The following ARHGAP42 variants were observed in gnomAD, a reference collection of about 807,000 sequenced individuals.
ARHGAP42 encodes rho GTPase-activating protein 42.
ARHGAP42 carries 63 observed loss-of-function variants against 125.0 expected under a neutral mutation model. The ratio of observed to expected loss-of-function variants is 0.50; its 90% CI spans 0.41 to 0.62. ARHGAP42 has a LOEUF of 0.62. ARHGAP42 is among the 20% of genes least tolerant of loss of function. The pLI, the probability that ARHGAP42 is intolerant of heterozygous loss-of-function variation, is 0.00. For synonymous variants in ARHGAP42, 339 were observed against 351.0 expected (o/e 0.97, Z 0.38); for missense variants, 766 against 1,024.2 (o/e 0.75, Z 3.44).
intron 9 of ARHGAP42, among the ~76,000 whole-genome samples, chr11:100,943,478 A>T (rs556049596): frequency 1.3e-5 from 2 of 152,126 alleles, no homozygotes; most frequent in Non-Finnish European, 2.9e-5. Flanking sequence ...ATTGTACATT[A>T]TAGTATAATT....
intron 1 of ARHGAP42, among the ~76,000 whole-genome samples, chr11:100,730,997 C>G (rs1861947803): frequency 6.6e-6 from 1 of 150,770 alleles, no homozygotes; most frequent in South Asian, 2.1e-4. Flanking sequence ...AAAGGTTTTG[C>G]TTTTTTTTTC....
At chr11:100,935,861 G>C (rs1228907806) in intron 7 of ARHGAP42, among the ~76,000 whole-genome samples, 1 of 152,132 alleles carries the variant, frequency 6.6e-6, no homozygotes, top group African/African-American at 2.4e-5. Flanking sequence ...TTTCTGGGCC[G>C]GTCAGGTGGC....
At chr11:100,943,918 T>C in intron 10 of ARHGAP42, 50 bp downstream of exon 10, 1 of 1,191,670 alleles carries the variant, frequency 8.4e-7, no homozygotes, top group South Asian at 1.5e-5. Flanking sequence ...AAACGGTGTC[T>C]CTTTCTGTAT....
chr11:100,711,882 T>TA (rs1196874250), intron 1 of ARHGAP42, among the ~76,000 whole-genome samples: 2 of 152,202 alleles, frequency 1.3e-5, no homozygotes, highest in Non-Finnish European at 2.9e-5. Context: ...GAGAGTAAGG[T>TA]AAATTGTTTA....
chr11:100,716,428 G>T (rs985379375), intron 1 of ARHGAP42, among the ~76,000 whole-genome samples: 1 of 152,184 alleles, frequency 6.6e-6, no homozygotes. Flanking sequence ...AACAAATGCT[G>T]TTGGTAATTA....
chr11:100,939,578 TTAG>T (rs1867822436), intron 8 of ARHGAP42, among the ~76,000 whole-genome samples: 1 of 152,188 alleles, frequency 6.6e-6, no homozygotes, highest in South Asian at 2.1e-4. Context: ...ATATGGGCAC[TTAG>T]TAGGTATTCG....
Position 100,775,870 on chromosome 11 carries a change from G to T in ARHGAP42, c.250+5432G>T, listed in dbSNP as rs1414332889. ...GACCTCTAGGTTTTAAAAAAATTTA[G>T]ATATTGTGGCCGGGTACGGTGGCTC... On this transcript the variant is annotated intron_variant, in intron 2 of 23. Transcript: ENST00000298815. Among the ~76,000 whole-genome samples the T allele has an allele frequency of 1.3e-4, 20 of 152,110 alleles. 1 individual carries two copies. Among genetic ancestry groups the T allele is most frequent in the Admixed American group, 1.3e-3 (20 of 15,278 alleles).
At chr11:100,903,425 G>A (rs1866617863) in intron 4 of ARHGAP42, among the ~76,000 whole-genome samples, 1 of 151,800 alleles carries the variant, frequency 6.6e-6, no homozygotes. Flanking sequence ...AAATCCAAAT[G>A]CTTGGCATGG....
intron 7 of ARHGAP42, among the ~76,000 whole-genome samples, chr11:100,933,729 A>G (rs1867648456): frequency 6.6e-6 from 1 of 152,242 alleles, no homozygotes. Flanking sequence ...TTTATTTGTC[A>G]ATTATACCTC....
At chr11:100,826,536 A>G (rs1279327969) in intron 3 of ARHGAP42, among the ~76,000 whole-genome samples, 2 of 152,146 alleles carry the variant, frequency 1.3e-5, no homozygotes, top group Admixed American at 1.3e-4. Context: ...CATAATTTAG[A>G]ATTTATTATC....
At chr11:100,775,865 A>C (rs1863105869) in intron 2 of ARHGAP42, among the ~76,000 whole-genome samples, 1 of 152,224 alleles carries the variant, frequency 6.6e-6, no homozygotes, top group African/African-American at 2.4e-5. Context: ...TTTTAAAAAA[A>C]TTTAGATATT....
chr11:100,845,373 G>A (rs531797238), intron 3 of ARHGAP42, among the ~76,000 whole-genome samples: 1 of 151,964 alleles, frequency 6.6e-6, no homozygotes, highest in South Asian at 2.1e-4. Flanking sequence ...GGGGGTGAGG[G>A]GTAAAAGACT....
At chr11:100,894,260 C>T (rs1296254737) in intron 4 of ARHGAP42, among the ~76,000 whole-genome samples, 1 of 152,192 alleles carries the variant, frequency 6.6e-6, no homozygotes, top group Non-Finnish European at 1.5e-5. Flanking sequence ...TAGTTGTAAA[C>T]ATAGTCTAGA....
intron 2 of ARHGAP42, among the ~76,000 whole-genome samples, chr11:100,772,787 A>G (rs1863013717): frequency 6.6e-6 from 1 of 152,226 alleles, no homozygotes. Flanking sequence ...TATTAGCATT[A>G]TTACTTAGAA....
intron 3 of ARHGAP42, among the ~76,000 whole-genome samples, chr11:100,848,794 A>G (rs771177177): frequency 4.6e-5 from 7 of 152,136 alleles, no homozygotes; most frequent in Non-Finnish European, 8.8e-5. Flanking sequence ...CCCACTAAAT[A>G]TAGTAGATAT....
intron 4 of ARHGAP42, among the ~76,000 whole-genome samples, chr11:100,893,257 A>C (rs1325150021): frequency 6.6e-6 from 1 of 151,642 alleles, no homozygotes; most frequent in African/African-American, 2.4e-5. Flanking sequence ...ATGTTATTGT[A>C]AGTTAATTTC....
chr11:100,724,811 T>C (rs1861826523), intron 1 of ARHGAP42, among the ~76,000 whole-genome samples: 1 of 148,958 alleles, frequency 6.7e-6, no homozygotes, highest in Non-Finnish European at 1.5e-5. Context: ...TTCAATTTTA[T>C]TGGTTTGTGC....
chr11:100,794,818 T>C lies in ARHGAP42; in HGVS notation c.251-287T>C, dbSNP rs1863669682. Among the ~76,000 whole-genome samples, 3 of 152,184 alleles carry C rather than the reference T, an allele frequency of 2.0e-5. No homozygotes were observed. The South Asian group carries it at 6.2e-4, about 32-fold the overall frequency. ...CATTTTACATATTAAATATATAAGC[T>C]ATATTTCTTCCAATGTCTTTGAAGA... On this transcript the variant is annotated intron_variant, in intron 2 of 23. Transcript: ENST00000298815.
intron 5 of ARHGAP42, among the ~76,000 whole-genome samples, chr11:100,917,157 C>T (rs1472200132): frequency 6.6e-6 from 1 of 151,890 alleles, no homozygotes; most frequent in Non-Finnish European, 1.5e-5. Context: ...AATATTTTTA[C>T]ATTTATAATT....
Sources: gnomAD v4.1 joint callset for allele counts (sites outside exome capture counted in the v4.1 genomes callset) on GRCh38, gnomAD v4.1.1 for gene constraint, MANE v1.5 for transcripts, NCBI Gene and HGNC (gene_info 2026-07-23, HGNC 2026-07-21) for gene names.